Variants in PCDH7 observed in about 807,000 individuals in gnomAD.
PCDH7 encodes protocadherin-7.
A neutral mutation model predicts 58.9 loss-of-function variants in PCDH7; 17 were observed. The ratio of observed to expected loss-of-function variants is 0.29; its 90% CI spans 0.20 to 0.43. PCDH7 has a LOEUF of 0.43. Among genes scored for constraint, PCDH7 ranks in the 20% least tolerant of loss-of-function variants. The pLI, the probability that PCDH7 is intolerant of heterozygous loss-of-function variation, is 1.00. For synonymous variants in PCDH7, 664 were observed against 616.4 expected, an observed-to-expected ratio of 1.08 and a Z score of -1.14; for missense variants, 1,274 against 1,441.0, an observed-to-expected ratio of 0.88 and a Z score of 1.88.
chr4:30,773,417 TTAG>T (rs1233427094), intron 1 of PCDH7, among the ~76,000 whole-genome samples: 1 of 152,224 alleles, frequency 6.6e-6, no homozygotes, highest in Non-Finnish European at 1.5e-5. Context: ...TTAGTGTCTG[TTAG>T]TAGCATCATG....
At chr4:31,085,697 C>A (rs1712319045) in intron 3 of PCDH7, among the ~76,000 whole-genome samples, 1 of 152,116 alleles carries the variant, frequency 6.6e-6, no homozygotes, top group Non-Finnish European at 1.5e-5. Flanking sequence ...TAAACCATCT[C>A]ATGTAGGGTG....
At chr4:31,048,112 A>G (rs1756437513) in intron 3 of PCDH7, among the ~76,000 whole-genome samples, 1 of 152,016 alleles carries the variant, frequency 6.6e-6, no homozygotes, top group Admixed American at 6.6e-5. Flanking sequence ...ATATAATTGT[A>G]TCTCTACTAT....
intron 3 of PCDH7, among the ~76,000 whole-genome samples, chr4:31,129,406 T>A (rs181090361): frequency 2.2e-4 from 33 of 152,222 alleles, no homozygotes; most frequent in Non-Finnish European, 4.1e-4. Flanking sequence ...ATTAATATCA[T>A]GAATACATTG....
At chr4:30,844,742 A>T (rs1731684235) in intron 1 of PCDH7, among the ~76,000 whole-genome samples, 1 of 152,182 alleles carries the variant, frequency 6.6e-6, no homozygotes, top group Non-Finnish European at 1.5e-5. Flanking sequence ...TATTAATGAA[A>T]TAAACTTGAG....
intron 1 of PCDH7, among the ~76,000 whole-genome samples, chr4:30,890,722 T>C (rs1738499398): frequency 6.6e-6 from 1 of 152,098 alleles, no homozygotes; most frequent in Non-Finnish European, 1.5e-5. Flanking sequence ...GCATAAGATA[T>C]TTATGGAGAG....
downstream of PCDH7, among the ~76,000 whole-genome samples, chr4:30,737,412 A>C (rs1716454017): frequency 6.6e-6 from 1 of 152,138 alleles, no homozygotes; most frequent in African/African-American, 2.4e-5. Context: ...CAACACTTTG[A>C]GAGGCAAATG....
intron 3 of PCDH7, among the ~76,000 whole-genome samples, chr4:31,105,961 C>T (rs946723216): frequency 1.1e-4 from 17 of 151,226 alleles, no homozygotes; most frequent in South Asian, 6.3e-4. Context: ...GAGCCGTAAT[C>T]GCGCCACTGC....
chr4:31,097,775 T>G (rs969684661), intron 3 of PCDH7, among the ~76,000 whole-genome samples: 3 of 151,496 alleles, frequency 2.0e-5, no homozygotes, highest in Admixed American at 2.0e-4. Context: ...AGGCTAGCTC[T>G]GCCTTTTTAT....
intron 1 of PCDH7, among the ~76,000 whole-genome samples, chr4:30,820,709 G>C (rs1383678153): frequency 4.6e-5 from 7 of 151,798 alleles, no homozygotes; most frequent in Admixed American, 4.6e-4. Context: ...AGCTAATCTA[G>C]GAGAAAATGG....
At chr4:31,127,913 T>C (rs772296467) in intron 3 of PCDH7, among the ~76,000 whole-genome samples, 1 of 151,776 alleles carries the variant, frequency 6.6e-6, no homozygotes, top group Non-Finnish European at 1.5e-5. Flanking sequence ...TATGATTAAA[T>C]TATAGAGGCT....
chr4:30,730,629 G>T (rs1213199770), intron 1 of PCDH7: 2 of 620,918 alleles, frequency 3.2e-6, no homozygotes, highest in South Asian at 2.3e-5. Context: ...CACAAAGTTG[G>T]CATTAAAATT....
At chr4:30,788,737 G>A in intron 1 of PCDH7, among the ~76,000 whole-genome samples, 1 of 151,944 alleles carries the variant, frequency 6.6e-6, no homozygotes, top group Non-Finnish European at 1.5e-5. Context: ...GAGAGTGTGT[G>A]GAGAGAAACA....
downstream of PCDH7, chr4:31,145,556 G>T (rs1474604689): frequency 6.6e-6 from 1 of 152,062 alleles, no homozygotes; most frequent in African/African-American, 2.4e-5. Flanking sequence ...CGGTTGTTGG[G>T]TTTGGACAAT....
chr4:30,830,963 C>A (rs1729692543), intron 1 of PCDH7, among the ~76,000 whole-genome samples: 1 of 152,108 alleles, frequency 6.6e-6, no homozygotes, highest in African/African-American at 2.4e-5. Flanking sequence ...GGACTTCTCT[C>A]TATTTGATAT....
At chr4:30,933,261 G>A (rs1170937770) in intron 2 of PCDH7, among the ~76,000 whole-genome samples, 1 of 152,016 alleles carries the variant, frequency 6.6e-6, no homozygotes, top group Non-Finnish European at 1.5e-5. Flanking sequence ...CCCTGACCTC[G>A]TGATCTGCCT....
At chr4:30,808,167 G>A (rs1485487844) in intron 1 of PCDH7, among the ~76,000 whole-genome samples, 3 of 152,186 alleles carry the variant, frequency 2.0e-5, no homozygotes, top group East Asian at 1.9e-4. Context: ...CTGAAAACAG[G>A]TTAAATTCAA....
chr4:31,088,310 A>G (rs1180434063), intron 3 of PCDH7, among the ~76,000 whole-genome samples: 2 of 152,074 alleles, frequency 1.3e-5, no homozygotes, highest in Admixed American at 6.6e-5. Flanking sequence ...TGGGAGATGT[A>G]TATGACTTTA....
intron 3 of PCDH7, among the ~76,000 whole-genome samples, chr4:31,071,822 A>G (rs1003555204): frequency 6.6e-6 from 1 of 152,056 alleles, no homozygotes; most frequent in African/African-American, 2.4e-5. Flanking sequence ...CTTTTCCTGC[A>G]GTGTTAAGGA....
chr4:30,968,319 C>CACACACACTA lies in PCDH7; in HGVS notation c.*7+18104_*7+18105insACACACACTA, dbSNP rs369540529. On this transcript the variant is annotated intron_variant, in intron 3 of 3. Transcript: ENST00000509759. The stretch of plus-strand genomic sequence containing the variant: ...CTCTCTCTCTATATATATATATACA[C>CACACACACTA]TATATATATATATACACACACTATA... Among the ~76,000 whole-genome samples the CACACACACTA allele has an allele frequency of 1.9e-4, 16 of 82,590 alleles. 1 individual carries two copies. The highest frequency in any genetic ancestry group is 8.4e-4 in the African/African-American group (14 of 16,696). The allele number at this position is 82,590 out of a possible 152,430, so 54.2% of individuals were successfully genotyped here.
Sources: allele counts gnomAD v4.1 joint callset (sites outside exome capture counted in the v4.1 genomes callset), GRCh38; gene constraint gnomAD v4.1.1; transcripts MANE v1.5; gene names NCBI Gene and HGNC (gene_info 2026-07-23, HGNC 2026-07-21).